EMC2: variants seen among roughly 807,000 people sequenced by gnomAD.
The protein encoded by EMC2 is ER membrane protein complex subunit 2.
EMC2 carries 37 observed loss-of-function variants against 51.6 expected under a neutral mutation model. The observed-to-expected ratio is 0.72, with a 90% CI of 0.55 to 0.94. The LOEUF (loss-of-function observed/expected upper bound fraction) is 0.94, where lower values mean the gene tolerates loss of function less well. EMC2 is among the 40% of genes least tolerant of loss of function. The pLI is 0.00. For synonymous variants in EMC2, 131 were observed against 112.4 expected, an observed-to-expected ratio of 1.17 and a Z score of -1.04; for missense variants, 359 against 350.9, an observed-to-expected ratio of 1.02 and a Z score of -0.18.
chr8:108,482,917 AG>A (rs575687771), intron 10 of EMC2, among the ~76,000 whole-genome samples: 52 of 152,148 alleles, frequency 3.4e-4, no homozygotes, highest in African/African-American at 1.3e-3. Context: ...GATGTGAAAT[AG>A]GGGGTCCATT....
chr8:108,467,424 C>T (rs1810748800), intron 5 of EMC2, among the ~76,000 whole-genome samples: 1 of 152,022 alleles, frequency 6.6e-6, no homozygotes, highest in South Asian at 2.1e-4. Flanking sequence ...TCTCAGCTCA[C>T]TGCAACCTCC....
Position 108,488,295 on chromosome 8 carries a change from G to A in EMC2, c.*1697G>A, listed in dbSNP as rs1811179932. 6.6e-6 allele frequency among the ~76,000 whole-genome samples: 1 copy of A among 151,838 alleles called. No homozygotes were observed. Among genetic ancestry groups the A allele is most frequent in the African/African-American group, 2.4e-5 (1 of 41,308 alleles). ...TTGTGCCTCAGCCTCTGAGTAGCTG[G>A]GACTACAGGCATGTGCCACCATGCC... On this transcript the variant is annotated 3_prime_UTR_variant, in exon 11 of 11. Coordinates refer to ENST00000220853, the MANE Select transcript of EMC2 (RefSeq NM_014673.5).
intron 9 of EMC2, among the ~76,000 whole-genome samples, chr8:108,478,044 A>G (rs1313999362): frequency 6.6e-6 from 1 of 152,122 alleles, no homozygotes; most frequent in Non-Finnish European, 1.5e-5. Flanking sequence ...GCTAAAATTC[A>G]TAAGAAGAAG....
At chr8:108,480,742 T>C (rs1179824402) in intron 10 of EMC2, among the ~76,000 whole-genome samples, 4 of 152,172 alleles carry the variant, frequency 2.6e-5, no homozygotes, top group African/African-American at 9.7e-5. Flanking sequence ...TTCTGCCCTG[T>C]TCAGTTTGGT....
chr8:108,453,549 T>A (rs963975846), intron 4 of EMC2, among the ~76,000 whole-genome samples: 3 of 148,506 alleles, frequency 2.0e-5, no homozygotes, highest in Non-Finnish European at 4.5e-5. Context: ...CAGTTTATCA[T>A]TTTTTTTTTA....
At chr8:108,447,733 A>G (rs931003398) in intron 1 of EMC2, among the ~76,000 whole-genome samples, 1 of 152,186 alleles carries the variant, frequency 6.6e-6, no homozygotes, top group Non-Finnish European at 1.5e-5. Context: ...AGGATTGCAC[A>G]GTAGTTAATA....
intron 1 of EMC2, among the ~76,000 whole-genome samples, chr8:108,446,958 G>T (rs1482325649): frequency 6.6e-6 from 1 of 152,048 alleles, no homozygotes; most frequent in Non-Finnish European, 1.5e-5. Context: ...TTTGTGTTCA[G>T]CTATTATATT....
At chr8:108,474,775 T>C (rs1463341795) in intron 7 of EMC2, 1 of 151,954 alleles carries the variant, frequency 6.6e-6, no homozygotes, top group East Asian at 1.9e-4. Context: ...GTACAGGCTG[T>C]CTGGAGTGGC....
In EMC2 at chr8:108,450,412, C is replaced by G. The variant is rs1411869510; in HGVS notation, c.155-16C>G. 3.9e-6 allele frequency: 6 copies of G among 1,533,788 alleles called. No homozygotes were observed. Among genetic ancestry groups the G allele is most frequent in the Non-Finnish European group, 5.4e-6 (6 of 1,109,222 alleles). On this transcript the variant is annotated splice_polypyrimidine_tract_variant and intron_variant, in intron 2 of 10. Coordinates refer to ENST00000220853, the MANE Select transcript of EMC2 (RefSeq NM_014673.5). ...AATATTAAATTCAGTTTTTTTCCCC[C>G]TTTATGTGTATCTAGTTTGGATCAT...
intron 9 of EMC2, 28 bp downstream of exon 9, chr8:108,476,920 T>C: frequency 9.3e-7 from 1 of 1,073,312 alleles, no homozygotes; most frequent in Non-Finnish European, 1.4e-6. Context: ...TTTAATGTTA[T>C]TTTTAAAAAT....
At chr8:108,458,130 A>G (rs1243798160) in intron 5 of EMC2, among the ~76,000 whole-genome samples, 2 of 152,238 alleles carry the variant, frequency 1.3e-5, no homozygotes, top group African/African-American at 4.8e-5. Context: ...TCTCACATCC[A>G]GGTAATGCTG....
intron 5 of EMC2, among the ~76,000 whole-genome samples, chr8:108,461,326 T>G (rs1401172063): frequency 1.3e-5 from 2 of 152,218 alleles, no homozygotes; most frequent in African/African-American, 4.8e-5. Flanking sequence ...CAGAGAACAT[T>G]TGTTATGCTT....
chr8:108,474,262 C>T (rs1012003269), intron 7 of EMC2: 11 of 151,848 alleles, frequency 7.2e-5, no homozygotes, highest in African/African-American at 2.4e-4. Context: ...TGTCTAAGAA[C>T]TTTTATTCTT....
At chr8:108,479,881 G>A (rs574658351) in intron 10 of EMC2, among the ~76,000 whole-genome samples, 31 of 152,198 alleles carry the variant, frequency 2.0e-4, no homozygotes, top group African/African-American at 7.0e-4. Context: ...TCAGGTGCAG[G>A]CATCACCATG....
Position 108,453,153 on chromosome 8 carries a change from C to A in EMC2, c.305+6C>A, listed in dbSNP as rs372231473. The A allele has an allele frequency of 3.2e-6, 5 of 1,549,616 alleles. No homozygotes were observed. In the African/African-American group the frequency reaches 4.1e-5, roughly 13 times the overall value. The stretch of plus-strand genomic sequence containing the variant: ...AGATTTGAAGCCATGGAAAGGTAAC[C>A]AAATCTTATCAGCTGGCAGGCATGG... On this transcript the variant is annotated splice_donor_region_variant and intron_variant, in intron 4 of 10. Transcript: ENST00000220853.
intron 3 of EMC2, among the ~76,000 whole-genome samples, chr8:108,451,018 G>A (rs1819005154): frequency 6.6e-6 from 1 of 151,976 alleles, no homozygotes; most frequent in Non-Finnish European, 1.5e-5. Flanking sequence ...CCTGGCCAAC[G>A]TGGTGAAACC....
chr8:108,452,718 G>A (rs1355489316), intron 3 of EMC2, among the ~76,000 whole-genome samples: 3 of 152,134 alleles, frequency 2.0e-5, no homozygotes, highest in South Asian at 2.1e-4. Context: ...GGAAGAAAAC[G>A]CCAGGCGCTG....
intron 10 of EMC2, 129 bp from the exon 11 acceptor site, chr8:108,486,383 A>C: frequency 1.6e-6 from 2 of 1,284,242 alleles, no homozygotes. Context: ...AAAAGCAAAG[A>C]ATATATTTGA....
At chr8:108,450,633 T>G (rs1336675870) in intron 3 of EMC2, 141 bp downstream of exon 3, 44 of 634,864 alleles carry the variant, frequency 6.9e-5, no homozygotes, top group Non-Finnish European at 6.0e-5. Flanking sequence ...ACTAACTAGA[T>G]ATTTTAGGAC....
Sources: allele counts gnomAD v4.1 joint callset (sites outside exome capture counted in the v4.1 genomes callset), GRCh38; gene constraint gnomAD v4.1.1; transcripts MANE v1.5; gene names NCBI Gene and HGNC (gene_info 2026-07-23, HGNC 2026-07-21).